Variants in DDX31 observed in about 807,000 individuals in gnomAD.
DDX31 encodes DEAD-box helicase 31, also known as ATP-dependent DNA helicase DDX31.
Under a neutral mutation model 91.3 loss-of-function variants are expected in DDX31, and 70 were observed. The ratio of observed to expected loss-of-function variants is 0.77; its 90% CI spans 0.63 to 0.94. The LOEUF (loss-of-function observed/expected upper bound fraction) is 0.94. DDX31 is among the 40% of genes least tolerant of loss of function. DDX31 has a pLI of 0.00. For synonymous variants in DDX31, 362 were observed against 350.6 expected (o/e 1.03, Z -0.36); for missense variants, 902 against 925.0 (o/e 0.98, Z 0.32).
Position 132,662,544 on chromosome 9 carries a change from G to A in DDX31, c.227C>T (p.Pro76Leu), listed in dbSNP as rs1483787915. ...ACTTGTGCTAACCGAATGCTTCTTTGGAGAAAACATTTTTTGTGCGTTCCC... is the reference window on the plus strand; with the variant it reads ...ACTTGTGCTAACCGAATGCTTCTTTAGAGAAAACATTTTTTGTGCGTTCCC... ...FKGNAQKMFSPKKHSVSTSDR... is the reference protein window; with the variant it reads ...FKGNAQKMFSLKKHSVSTSDR... The change falls in exon 2 of 20, where the codon CCA becomes CTA. Residue 76 changes from proline (P) to leucine (L), a missense_variant. Transcript: ENST00000372159. The A allele has an allele frequency of 3.7e-6, 6 of 1,614,038 alleles. No homozygotes were observed. The highest frequency in any genetic ancestry group is 5.1e-6 in the Non-Finnish European group (6 of 1,180,040).
At chr9:132,604,014 C>T (rs1830867684) in intron 19 of DDX31, among the ~76,000 whole-genome samples, 1 of 152,158 alleles carries the variant, frequency 6.6e-6, no homozygotes. Context: ...GCTGTGTGTG[C>T]ACAGCTGTAA....
At chr9:132,612,867 AG>A (rs1261732819) in intron 18 of DDX31, among the ~76,000 whole-genome samples, 1 of 152,124 alleles carries the variant, frequency 6.6e-6, no homozygotes, top group East Asian at 1.9e-4. Context: ...CCTTATCCAT[AG>A]GCAATCCCTG....
intron 1 of DDX31, among the ~76,000 whole-genome samples, chr9:132,665,534 T>A (rs1276487847): frequency 6.6e-6 from 1 of 152,206 alleles, no homozygotes; most frequent in East Asian, 1.9e-4. Context: ...AAACCAAGAA[T>A]GCTTCGTGAG....
At chr9:132,634,398 G>A (rs945196185) in intron 14 of DDX31, among the ~76,000 whole-genome samples, 1 of 151,960 alleles carries the variant, frequency 6.6e-6, no homozygotes, top group African/African-American at 2.4e-5. Flanking sequence ...ACATTTTTCT[G>A]AACCATCTGA....
intron 13 of DDX31, among the ~76,000 whole-genome samples, chr9:132,643,912 T>A (rs1564318490): frequency 6.6e-6 from 1 of 151,846 alleles, no homozygotes; most frequent in Non-Finnish European, 1.5e-5. Context: ...TGTATTCAGA[T>A]TTGGGGTAAG....
intron 16 of DDX31, among the ~76,000 whole-genome samples, chr9:132,626,530 G>C (rs557540913): frequency 2.0e-5 from 3 of 152,212 alleles, no homozygotes; most frequent in Non-Finnish European, 4.4e-5. Flanking sequence ...AGGAAGAAAC[G>C]TGAGCTGCTG....
At position 132,593,792 on chromosome 9, in the gene DDX31, A is replaced by G. The variant is rs566261555; in HGVS notation, c.*1074T>C. The G allele has an allele frequency of 6.6e-5, 10 of 152,130 alleles. No homozygotes were observed. The East Asian group carries it at 1.7e-3, about 27-fold the overall frequency. The allele number at this position is 152,130 out of a possible 1,614,324, so 9.4% of individuals were successfully genotyped here. A position where few individuals can be genotyped will look rare whatever the true frequency, so the allele number is the denominator to read the frequency against. ...GGATCTACTGAAGTGGTGCCTCAAC[A>G]CTGGTCCTGGGGAGACCACAGAGGG... On this transcript the variant is annotated 3_prime_UTR_variant, in exon 20 of 20. Transcript: ENST00000372159.
At position 132,652,365 on chromosome 9, in the gene DDX31, A is replaced by T; in HGVS notation, c.633+83T>A. On this transcript the variant is annotated intron_variant, in intron 7 of 19. Coordinates refer to ENST00000372159, the MANE Select transcript of DDX31 (RefSeq NM_022779.9). ...GCAGTGGCTTGTGCAGTAGGGAGAA[A>T]CATGGTAAAACCACTTTTAAATTCA... 1.3e-6 allele frequency: 2 copies of T among 1,541,870 alleles called. 1 individual carries two copies. Among genetic ancestry groups the T allele is most frequent in the South Asian group, 2.3e-5 (2 of 86,754 alleles).
chr9:132,609,218 T>A (rs1831190266), intron 19 of DDX31, among the ~76,000 whole-genome samples: 1 of 152,088 alleles, frequency 6.6e-6, no homozygotes, highest in South Asian at 2.1e-4. Flanking sequence ...ACCACCCGGC[T>A]CCCTGCCGCG....
intron 14 of DDX31, 66 bp from the exon 15 acceptor site, chr9:132,632,157 T>A: frequency 6.7e-7 from 1 of 1,500,912 alleles, no homozygotes; most frequent in Non-Finnish European, 9.1e-7. Context: ...CCTGGATATG[T>A]TTGATAATTT....
At position 132,633,695 on chromosome 9, in the gene DDX31, G is replaced by A. The variant is rs116101795; in HGVS notation, c.1441-1604C>T. 9.0e-3 allele frequency among the ~76,000 whole-genome samples: 1,367 copies of A among 151,990 alleles called. 15 individuals carry two copies. Among genetic ancestry groups the A allele is most frequent in the African/African-American group, 0.029 (1,221 of 41,412 alleles). ...CCCAAAGCTTAAAAAAACAGTTATC[G>A]CCAGGGGAGGAAAAGAAGAGGAAGG... On this transcript the variant is annotated intron_variant, in intron 14 of 19. Coordinates refer to ENST00000372159, the MANE Select transcript of DDX31 (RefSeq NM_022779.9).
intron 17 of DDX31, among the ~76,000 whole-genome samples, chr9:132,621,973 CAA>C (rs1487284374): frequency 1.4e-5 from 2 of 146,402 alleles, no homozygotes; most frequent in Non-Finnish European, 3.0e-5. Flanking sequence ...CATGAAAGCC[CAA>C]ACTTACTCAG....
intron 19 of DDX31, among the ~76,000 whole-genome samples, chr9:132,610,404 A>T (rs1831256349): frequency 6.6e-6 from 1 of 152,202 alleles, no homozygotes; most frequent in South Asian, 2.1e-4. Context: ...GAATTACTGG[A>T]GCATTGTCCT....
chr9:132,629,975 C>T (rs1421829643), intron 16 of DDX31, among the ~76,000 whole-genome samples: 2 of 152,174 alleles, frequency 1.3e-5, no homozygotes, highest in African/African-American at 2.4e-5. Context: ...TCAGAAGCTG[C>T]GAAGATGGTG....
chr9:132,652,790 T>A (rs1370914641), intron 6 of DDX31, among the ~76,000 whole-genome samples: 1 of 152,220 alleles, frequency 6.6e-6, no homozygotes, highest in Non-Finnish European at 1.5e-5. Context: ...TCACGAGATC[T>A]GATGGGTTTA....
chr9:132,621,312 C>T (rs1047811858), intron 17 of DDX31, among the ~76,000 whole-genome samples: 2 of 152,174 alleles, frequency 1.3e-5, no homozygotes, highest in South Asian at 2.1e-4. Context: ...GTTTTAATCA[C>T]TTTATTGCCA....
intron 6 of DDX31, among the ~76,000 whole-genome samples, chr9:132,654,894 C>A (rs543831765): frequency 7.0e-6 from 1 of 142,352 alleles, no homozygotes; most frequent in Non-Finnish European, 1.5e-5. Context: ...TTCAGTGAGC[C>A]GAGATTACGC....
intron 1 of DDX31, among the ~76,000 whole-genome samples, chr9:132,665,013 T>C (rs1835219719): frequency 6.6e-6 from 1 of 152,184 alleles, no homozygotes; most frequent in Non-Finnish European, 1.5e-5. Context: ...GCTCTGTTCT[T>C]GGCTCTCCTG....
intron 19 of DDX31, among the ~76,000 whole-genome samples, chr9:132,596,849 G>C (rs763017022): frequency 4.6e-5 from 7 of 152,172 alleles, no homozygotes; most frequent in Non-Finnish European, 1.0e-4. Flanking sequence ...AAGTGAGTAG[G>C]GAGTGGTGAG....
Sources: allele counts gnomAD v4.1 joint callset (sites outside exome capture counted in the v4.1 genomes callset), GRCh38; gene constraint gnomAD v4.1.1; transcripts MANE v1.5; gene names NCBI Gene and HGNC (gene_info 2026-07-23, HGNC 2026-07-21).